MCPH1: variants seen among roughly 807,000 people sequenced by gnomAD.
MCPH1 encodes the protein microcephalin 1, also known as microcephalin.
A neutral mutation model predicts 84.5 loss-of-function variants in MCPH1; 104 were observed. The observed-to-expected ratio is 1.23, with a 90% CI of 1.05 to 1.45. MCPH1 has a LOEUF of 1.45. Among genes scored for constraint, MCPH1 ranks in the 40% most tolerant of loss-of-function variants. The pLI, the probability that MCPH1 is intolerant of heterozygous loss-of-function variation, is 0.00. For synonymous variants in MCPH1, 514 were observed against 366.8 expected (o/e 1.40, Z -4.58); for missense variants, 1,498 against 1,005.7 (o/e 1.49, Z -6.62).
intron 12 of MCPH1, among the ~76,000 whole-genome samples, chr8:6,558,733 T>G (rs1222333767): frequency 6.6e-6 from 1 of 152,184 alleles, no homozygotes; most frequent in Non-Finnish European, 1.5e-5. Flanking sequence ...CTCCCCATAG[T>G]GTGATATCTA....
intron 8 of MCPH1, chr8:6,446,219 C>G: frequency 1.1e-6 from 1 of 924,646 alleles, no homozygotes; most frequent in South Asian, 5.0e-5. Flanking sequence ...AAAGTCAAAA[C>G]AATAAAAAAT....
chr8:6,473,218 C>T (rs1807984682), intron 9 of MCPH1, among the ~76,000 whole-genome samples: 2 of 150,888 alleles, frequency 1.3e-5, no homozygotes, highest in Non-Finnish European at 2.9e-5. Flanking sequence ...AGATCATCTG[C>T]ATTTTTTCTG....
At chr8:6,561,800 AAG>A (rs1318618406) in intron 12 of MCPH1, among the ~76,000 whole-genome samples, 1 of 152,226 alleles carries the variant, frequency 6.6e-6, no homozygotes, top group African/African-American at 2.4e-5. Context: ...TTATTTATGA[AAG>A]AAAAACAGAG....
chr8:6,515,647 T>G lies in MCPH1; in HGVS notation c.2214+15718T>G, dbSNP rs1359349500. On this transcript the variant is annotated intron_variant, in intron 12 of 13. Coordinates refer to ENST00000344683, the MANE Select transcript of MCPH1 (RefSeq NM_024596.5). ...TGAAAATAAGATTACATAAATAGTT[T>G]TAAATAATAAAGATTACAGTAGAAC... Among the ~76,000 whole-genome samples the G allele has an allele frequency of 2.0e-5, 3 of 152,332 alleles. No individual in the cohort carries two copies. In the East Asian group the frequency reaches 5.8e-4, roughly 29 times the overall value.
At position 6,444,901 on chromosome 8, in the gene MCPH1, G is replaced by A. The variant is rs369922796; in HGVS notation, c.1179G>A (p.Arg393=). The change falls in exon 8 of 14, where the codon AGG becomes AGA. Residue 393 remains arginine, a synonymous_variant. Transcript: ENST00000344683. Reference sequence around the variant, plus strand: ...TGCAGCTGTGCAGGTCGGAAGACAGGCTGCAGCACGTGGCGGGACCTGCCC... The same window carrying A: ...TGCAGCTGTGCAGGTCGGAAGACAGACTGCAGCACGTGGCGGGACCTGCCC... ...PRLQLCRSED[R]LQHVAGPALE... The A allele has an allele frequency of 6.2e-7, 1 of 1,614,074 alleles. No homozygotes were observed. The highest frequency in any genetic ancestry group is 1.7e-5 in the Admixed American group (1 of 60,010).
At chr8:6,576,859 C>T (rs903723209) in intron 12 of MCPH1, among the ~76,000 whole-genome samples, 5 of 151,856 alleles carry the variant, frequency 3.3e-5, no homozygotes, top group African/African-American at 7.3e-5. Flanking sequence ...AGCCACAGTG[C>T]CTGGCCTACT....
intron 3 of MCPH1, among the ~76,000 whole-genome samples, chr8:6,417,064 G>A (rs987332762): frequency 6.6e-6 from 1 of 151,922 alleles, no homozygotes; most frequent in African/African-American, 2.4e-5. Flanking sequence ...AGAAATTTAA[G>A]TGTCTCGATA....
chr8:6,441,458 G>T (rs1803500061), intron 6 of MCPH1, among the ~76,000 whole-genome samples: 2 of 151,982 alleles, frequency 1.3e-5, no homozygotes, highest in East Asian at 1.9e-4. Flanking sequence ...AATATCTTTG[G>T]ATATAAGATC....
intron 11 of MCPH1, among the ~76,000 whole-genome samples, chr8:6,492,218 T>C (rs1224063988): frequency 6.6e-6 from 1 of 152,240 alleles, no homozygotes; most frequent in Non-Finnish European, 1.5e-5. Context: ...TGCATTTCTC[T>C]GATGGCCAGT....
At chr8:6,490,766 G>T (rs1189544818) in intron 11 of MCPH1, among the ~76,000 whole-genome samples, 1 of 152,056 alleles carries the variant, frequency 6.6e-6, no homozygotes, top group Non-Finnish European at 1.5e-5. Context: ...CTTAACCAGA[G>T]AATGAGAATT....
At chr8:6,575,752 A>G (rs936943666) in intron 12 of MCPH1, among the ~76,000 whole-genome samples, 2 of 152,194 alleles carry the variant, frequency 1.3e-5, no homozygotes, top group East Asian at 1.9e-4. Flanking sequence ...AGATGTCTTT[A>G]TAAGAGGACG....
intron 12 of MCPH1, among the ~76,000 whole-genome samples, chr8:6,524,235 A>G (rs1350322286): frequency 6.6e-6 from 1 of 152,238 alleles, no homozygotes; most frequent in African/African-American, 2.4e-5. Flanking sequence ...TGTCTTATTT[A>G]ATAATGAAAT....
chr8:6,577,672 A>G (rs917681707), intron 12 of MCPH1, among the ~76,000 whole-genome samples: 23 of 152,384 alleles, frequency 1.5e-4, no homozygotes, highest in African/African-American at 5.3e-4. Flanking sequence ...AAGCTGCAGT[A>G]GTGTGTTAGG....
intron 11 of MCPH1, among the ~76,000 whole-genome samples, chr8:6,492,963 T>C (rs1480714922): frequency 6.6e-6 from 1 of 152,144 alleles, no homozygotes; most frequent in Non-Finnish European, 1.5e-5. Flanking sequence ...TTGCCCTTAA[T>C]GTGAACAAAA....
rs78101455 is a variant in MCPH1, at chr8:6,415,172, A to T, written c.233+289A>T. Among the ~76,000 whole-genome samples, 1,613 of 152,248 alleles carry T rather than the reference A, an allele frequency of 0.011. 23 individuals carry two copies. The highest frequency in any genetic ancestry group is 0.035 in the African/African-American group (1,449 of 41,528). On this transcript the variant is annotated intron_variant, in intron 3 of 13. Coordinates refer to ENST00000344683, the MANE Select transcript of MCPH1 (RefSeq NM_024596.5). ...GGAATGTGATGAAGCAGATTGTGTT[A>T]GTCAGCAAGCGCTGCTGTAACAAAG...
chr8:6,477,284 A>G, intron 9 of MCPH1: 1 of 340,228 alleles, frequency 2.9e-6, no homozygotes, highest in Non-Finnish European at 5.4e-6. Flanking sequence ...TTTGAAGTGC[A>G]TGAAGACGTT....
intron 9 of MCPH1, 116 bp downstream of exon 9, chr8:6,455,368 T>C (rs1805564421): frequency 4.0e-6 from 3 of 751,558 alleles, no homozygotes; most frequent in Admixed American, 4.4e-5. Context: ...TCTAAAAAAT[T>C]GATTATGGGT....
At chr8:6,558,262 G>T (rs1042896151) in intron 12 of MCPH1, among the ~76,000 whole-genome samples, 3 of 152,310 alleles carry the variant, frequency 2.0e-5, no homozygotes, top group African/African-American at 7.2e-5. Context: ...CTCCAAGAAA[G>T]GGATGGAAGA....
intron 12 of MCPH1, among the ~76,000 whole-genome samples, chr8:6,568,891 C>T (rs953875094): frequency 5.3e-5 from 8 of 152,130 alleles, no homozygotes; most frequent in Admixed American, 4.6e-4. Flanking sequence ...TTGGAAAGTG[C>T]CTTGTTGATG....
Sources: gnomAD v4.1 joint callset for allele counts (sites outside exome capture counted in the v4.1 genomes callset) on GRCh38, gnomAD v4.1.1 for gene constraint, MANE v1.5 for transcripts, NCBI Gene and HGNC (gene_info 2026-07-23, HGNC 2026-07-21) for gene names.